SUGCT: variants seen among roughly 807,000 people sequenced by gnomAD.
SUGCT encodes the protein succinyl-CoA:glutarate-CoA transferase, also known as succinyl-CoA:glutarate CoA-transferase.
Under a neutral mutation model 55.0 loss-of-function variants are expected in SUGCT, and 41 were observed. The observed-to-expected ratio is 0.74, with a 90% CI of 0.58 to 0.97. The LOEUF is 0.97. Ranked by LOEUF, SUGCT falls within the 50% of genes least tolerant of loss-of-function variation. SUGCT has a pLI of 0.00. For synonymous variants in SUGCT, 187 were observed against 200.4 expected (o/e 0.93, Z 0.56); for missense variants, 568 against 547.8 (o/e 1.04, Z -0.37).
chr7:40,627,066 C>T (rs548526650), intron 12 of SUGCT, among the ~76,000 whole-genome samples: 95 of 152,222 alleles, frequency 6.2e-4, no homozygotes, highest in African/African-American at 2.2e-3. Context: ...GGCCTTTTAT[C>T]CCACTCCTAC....
the SUGCT span, among the ~76,000 whole-genome samples, chr7:40,978,141 C>T: frequency 6.6e-6 from 1 of 152,314 alleles, no homozygotes; most frequent in South Asian, 2.1e-4. Flanking sequence ...AGGTGGCTGG[C>T]ACCTGGCCAG....
chr7:40,192,414 AT>A (rs1167601530), intron 5 of SUGCT, among the ~76,000 whole-genome samples: 5 of 152,168 alleles, frequency 3.3e-5, no homozygotes, highest in Admixed American at 3.3e-4. Flanking sequence ...ACAATTTTCT[AT>A]GTTAATTAGT....
At chr7:40,723,289 G>T (rs889426188) in intron 12 of SUGCT, among the ~76,000 whole-genome samples, 3 of 152,146 alleles carry the variant, frequency 2.0e-5, no homozygotes, top group African/African-American at 7.2e-5. Flanking sequence ...TCTCCGATTT[G>T]AGTTTCCTCA....
At chr7:40,251,079 C>A (rs1790360468) in intron 7 of SUGCT, among the ~76,000 whole-genome samples, 1 of 151,910 alleles carries the variant, frequency 6.6e-6, no homozygotes. Flanking sequence ...TCCATCCACC[C>A]CGGCCTCCCA....
intron 12 of SUGCT, among the ~76,000 whole-genome samples, chr7:40,679,269 G>C (rs1784137376): frequency 6.6e-6 from 1 of 152,198 alleles, no homozygotes; most frequent in African/African-American, 2.4e-5. Context: ...CTTGAAGATA[G>C]CTGAAAGCTA....
At chr7:40,423,635 T>G (rs1787429548) in intron 9 of SUGCT, among the ~76,000 whole-genome samples, 1 of 152,210 alleles carries the variant, frequency 6.6e-6, no homozygotes, top group African/African-American at 2.4e-5. Flanking sequence ...GAAAAAAAAG[T>G]AGCTTAAATG....
At chr7:40,800,350 G>A (rs532332040) in intron 13 of SUGCT, among the ~76,000 whole-genome samples, 144 of 150,240 alleles carry the variant, frequency 9.6e-4, no homozygotes, top group Non-Finnish European at 1.8e-3. Flanking sequence ...GTGCAATGGC[G>A]CAATCTCAGC....
At chr7:40,481,958 G>C (rs1363887215) in intron 11 of SUGCT, among the ~76,000 whole-genome samples, 1 of 152,000 alleles carries the variant, frequency 6.6e-6, no homozygotes, top group Non-Finnish European at 1.5e-5. Flanking sequence ...TTGGAGATGA[G>C]GACTTTTGTC....
chr7:40,390,864 C>T (rs192023367), intron 9 of SUGCT, among the ~76,000 whole-genome samples: 18 of 152,250 alleles, frequency 1.2e-4, no homozygotes, highest in African/African-American at 1.4e-4. Flanking sequence ...GGAGGCATCA[C>T]GCTACCTGAC....
chr7:40,519,438 G>T (rs1045841545), intron 12 of SUGCT, among the ~76,000 whole-genome samples: 7 of 151,950 alleles, frequency 4.6e-5, no homozygotes, highest in Non-Finnish European at 7.4e-5. Context: ...ACCCTTTGTA[G>T]TATGTTTTCA....
At chr7:40,992,075 A>G in the SUGCT span, among the ~76,000 whole-genome samples, 8 of 152,186 alleles carry the variant, frequency 5.3e-5, no homozygotes, top group Non-Finnish European at 8.8e-5. Context: ...TGGCTACTCC[A>G]TAGGCAGAGC....
chr7:40,327,152 C>T (rs968094478), intron 9 of SUGCT, among the ~76,000 whole-genome samples: 1 of 152,174 alleles, frequency 6.6e-6, no homozygotes, highest in African/African-American at 2.4e-5. Flanking sequence ...AACCCCCAGC[C>T]CCTTTAGTTC....
intron 9 of SUGCT, among the ~76,000 whole-genome samples, chr7:40,372,314 C>T (rs903037488): frequency 6.6e-6 from 1 of 151,966 alleles, no homozygotes; most frequent in Non-Finnish European, 1.5e-5. Context: ...AGATCTTAGA[C>T]CCTACATCTT....
chr7:40,833,631 A>G (rs546502522), intron 13 of SUGCT, among the ~76,000 whole-genome samples: 1 of 152,344 alleles, frequency 6.6e-6, no homozygotes, highest in South Asian at 2.1e-4. Context: ...CATTCCTTTC[A>G]GGATCTTGGC....
At chr7:40,855,882 C>T (rs1187739969) in intron 13 of SUGCT, among the ~76,000 whole-genome samples, 1 of 152,210 alleles carries the variant, frequency 6.6e-6, no homozygotes. Context: ...CTTTCTTGAG[C>T]TTCTTTTTAA....
intron 12 of SUGCT, among the ~76,000 whole-genome samples, chr7:40,694,194 T>C (rs1285327748): frequency 6.6e-6 from 1 of 152,240 alleles, no homozygotes. Flanking sequence ...CAAGTGTGAA[T>C]GAGGAAGATT....
At chr7:40,678,001 C>T (rs892324174) in intron 12 of SUGCT, among the ~76,000 whole-genome samples, 1 of 152,150 alleles carries the variant, frequency 6.6e-6, no homozygotes, top group Non-Finnish European at 1.5e-5. Context: ...TAGTGGTCAG[C>T]TTCAGTTTCT....
At chr7:40,810,870 C>G (rs1791372908) in intron 13 of SUGCT, among the ~76,000 whole-genome samples, 1 of 152,032 alleles carries the variant, frequency 6.6e-6, no homozygotes, top group African/African-American at 2.4e-5. Flanking sequence ...TTCCTGTTTT[C>G]TTGTAGGATT....
At chr7:40,626,280 G>A (rs1799523315) in intron 12 of SUGCT, among the ~76,000 whole-genome samples, 1 of 150,796 alleles carries the variant, frequency 6.6e-6, no homozygotes, top group African/African-American at 2.4e-5. Context: ...TTTTGGAGAT[G>A]GAGTCTCACT....
Sources: allele counts gnomAD v4.1 joint callset (sites outside exome capture counted in the v4.1 genomes callset), GRCh38; gene constraint gnomAD v4.1.1; transcripts MANE v1.5; gene names NCBI Gene and HGNC (gene_info 2026-07-23, HGNC 2026-07-21).